The following SPAST variants were observed in gnomAD, a reference collection of about 807,000 sequenced individuals.
SPAST encodes spastic paraplegia 4 (autosomal dominant; spastin).
In SPAST, 30 loss-of-function variants were observed where a neutral mutation model predicts 76.6. The observed-to-expected ratio is 0.39, with a 90% confidence interval of 0.29 to 0.53. SPAST has a LOEUF of 0.53. SPAST is among the 20% of genes least tolerant of loss of function. The pLI is 0.68. For missense variants in SPAST, 717 were observed against 770.5 expected, an observed-to-expected ratio of 0.93 and a Z score of 0.82; for synonymous variants, 305 against 281.0, an observed-to-expected ratio of 1.09 and a Z score of -0.86.
In SPAST at chr2:32,093,857, C is replaced by T. The variant is rs113505432; in HGVS notation, c.586+4252C>T. On this transcript the variant is annotated intron_variant, in intron 3 of 16. Transcript: ENST00000315285. The stretch of plus-strand genomic sequence containing the variant: ...TATAACAGCCAGATACGCCAATTTG[C>T]CGACATCAAAATTAATCTTTTCATC... Among the ~76,000 whole-genome samples, 463 of 152,172 alleles carry T rather than the reference C, an allele frequency of 3.0e-3. 1 individual carries two copies. The highest frequency in any genetic ancestry group is 0.011 in the African/African-American group (440 of 41,532).
intron 7 of SPAST, among the ~76,000 whole-genome samples, chr2:32,125,469 C>A (rs142841515): frequency 4.6e-5 from 7 of 151,542 alleles, no homozygotes; most frequent in African/African-American, 1.7e-4. Context: ...GGGATCTGCC[C>A]GCCTCGGCCT....
intron 3 of SPAST, among the ~76,000 whole-genome samples, chr2:32,091,465 C>T (rs892461344): frequency 6.7e-6 from 1 of 150,134 alleles, no homozygotes; most frequent in Non-Finnish European, 1.5e-5. Flanking sequence ...TTAGTAGGGA[C>T]GGGGTTTCAC....
chr2:32,139,532 G>GA (rs1398908606), intron 12 of SPAST, among the ~76,000 whole-genome samples: 1 of 152,080 alleles, frequency 6.6e-6, no homozygotes, highest in Non-Finnish European at 1.5e-5. Context: ...TAGCCACAAA[G>GA]AAAATGAAAT....
At chr2:32,093,371 A>C (rs560344802) in intron 3 of SPAST, among the ~76,000 whole-genome samples, 1 of 150,912 alleles carries the variant, frequency 6.6e-6, no homozygotes. Context: ...AATCTCACCT[A>C]CTTGGGAGGT....
chr2:32,097,135 A>G (rs1481432499), intron 3 of SPAST, among the ~76,000 whole-genome samples: 1 of 152,196 alleles, frequency 6.6e-6, no homozygotes, highest in Non-Finnish European at 1.5e-5. Context: ...AGAATCAATT[A>G]TGATTCAGCA....
chr2:32,132,031 A>G (rs1679386640), intron 9 of SPAST, among the ~76,000 whole-genome samples: 1 of 152,214 alleles, frequency 6.6e-6, no homozygotes, highest in African/African-American at 2.4e-5. Context: ...CAGAAACAAC[A>G]TAGCATTCAT....
At chr2:32,150,052 C>T (rs1295700429) in intron 16 of SPAST, among the ~76,000 whole-genome samples, 3 of 145,596 alleles carry the variant, frequency 2.1e-5, no homozygotes, top group Admixed American at 6.9e-5. Context: ...TTTAAGAAAG[C>T]TTTTAGTTTT....
At chr2:32,115,612 C>T (rs1341370640) in intron 5 of SPAST, 90 bp from the exon 6 acceptor site, 5 of 1,003,936 alleles carry the variant, frequency 5.0e-6, no homozygotes, top group Non-Finnish European at 7.6e-6. Context: ...ATTTTTAAAG[C>T]TTGAATTCTG....
Position 32,064,131 on chromosome 2 carries a change from C to G in SPAST, c.300C>G (p.Ala100=), listed in dbSNP as rs1490909244. The G allele has an allele frequency of 6.3e-7, 1 of 1,575,244 alleles. No homozygotes were observed. Among genetic ancestry groups the G allele is most frequent in the Non-Finnish European group, 8.6e-7 (1 of 1,161,338 alleles). Reference sequence around the variant, plus strand: ...GCTCCGGGGCCGCGCCAGCACCTGCCTCGGCCTCGGCCCCGGCGCCGGTGC... The same window carrying G: ...GCTCCGGGGCCGCGCCAGCACCTGCGTCGGCCTCGGCCCCGGCGCCGGTGC... ...KRSSGAAPAP[A]SASAPAPVPG... Residue 100 remains alanine (A), a synonymous_variant, in exon 1 of 17, where the codon GCC becomes GCG. Coordinates refer to ENST00000315285, the MANE Select transcript of SPAST (RefSeq NM_014946.4).
chr2:32,069,467 C>T (rs1676660385), intron 1 of SPAST, among the ~76,000 whole-genome samples: 1 of 151,818 alleles, frequency 6.6e-6, no homozygotes, highest in African/African-American at 2.4e-5. Context: ...TAGGCAGTCT[C>T]TTCAAAGGTT....
intron 7 of SPAST, 30 bp from the exon 8 acceptor site, chr2:32,126,918 T>C: frequency 6.8e-7 from 1 of 1,465,040 alleles, no homozygotes; most frequent in Non-Finnish European, 9.6e-7. Context: ...TCTAGAATCA[T>C]AGTTGTAAAC....
intron 4 of SPAST, among the ~76,000 whole-genome samples, chr2:32,108,512 A>T (rs1286964218): frequency 3.3e-5 from 5 of 151,888 alleles, no homozygotes; most frequent in Admixed American, 6.6e-5. Flanking sequence ...TGTATACTTT[A>T]TTTATATATT....
At chr2:32,139,007 TC>T (rs1441612320) in intron 12 of SPAST, among the ~76,000 whole-genome samples, 1 of 152,182 alleles carries the variant, frequency 6.6e-6, no homozygotes, top group Non-Finnish European at 1.5e-5. Flanking sequence ...TCTGTCCTGT[TC>T]CTTTGGTTTG....
chr2:32,114,937 A>T, intron 5 of SPAST, 112 bp downstream of exon 5: 1 of 751,944 alleles, frequency 1.3e-6, no homozygotes, highest in Non-Finnish European at 2.2e-6. Flanking sequence ...TAGAGAATGG[A>T]TAAGTTTCCA....
intron 1 of SPAST, among the ~76,000 whole-genome samples, chr2:32,071,616 T>C (rs747921052): frequency 9.2e-5 from 14 of 152,154 alleles, no homozygotes; most frequent in Non-Finnish European, 1.0e-4. Flanking sequence ...CAGTTAAACA[T>C]GTAAGATGTA....
chr2:32,083,748 TACTATATATATATATATATA>T (rs1677343579), intron 1 of SPAST, among the ~76,000 whole-genome samples: 1 of 57,830 alleles, frequency 1.7e-5, no homozygotes, highest in African/African-American at 6.6e-5. Context: ...TATTTATATA[TACTATATATATATATATATA>T]TATATATATT....
chr2:32,081,954 C>T (rs1340982436), intron 1 of SPAST, among the ~76,000 whole-genome samples: 1 of 149,452 alleles, frequency 6.7e-6, no homozygotes. Flanking sequence ...TTTGGAAACT[C>T]ACTAATCCCT....
chr2:32,098,024 C>G (rs1677986883), intron 3 of SPAST, among the ~76,000 whole-genome samples: 1 of 151,954 alleles, frequency 6.6e-6, no homozygotes, highest in Non-Finnish European at 1.5e-5. Flanking sequence ...TTTTCAAATT[C>G]TAGCCAGTTC....
chr2:32,063,691 CGTGCGGCA>C lies in SPAST; in HGVS notation c.-134_-127del, dbSNP rs1676374594. On this transcript the variant is annotated 5_prime_UTR_variant, in exon 1 of 17. Coordinates refer to ENST00000315285, the MANE Select transcript of SPAST (RefSeq NM_014946.4). ...AGAAAGGGGCGGGGCCGGCGGGCAG[CGTGCGGCA>C]GTGCGGAGCTCCTGAGACCGGCGGG... 2 of 1,103,278 alleles carry C rather than the reference CGTGCGGCA, an allele frequency of 1.8e-6. No individual in the cohort carries two copies. The allele number at this position is 1,103,278 out of a possible 1,614,324, so 68.3% of individuals were successfully genotyped here. A position where few individuals can be genotyped will look rare whatever the true frequency, so the allele number is the denominator to read the frequency against.
Sources: gnomAD v4.1 joint callset for allele counts (sites outside exome capture counted in the v4.1 genomes callset) on GRCh38, gnomAD v4.1.1 for gene constraint, MANE v1.5 for transcripts, NCBI Gene and HGNC (gene_info 2026-07-23, HGNC 2026-07-21) for gene names.